The following HDAC9 variants were observed in gnomAD, a reference collection of about 807,000 sequenced individuals.
The protein encoded by HDAC9 is histone deacetylase 9.
In HDAC9, 41 loss-of-function variants were observed where a neutral mutation model predicts 139.4. The observed-to-expected ratio is 0.29, with a 90% CI of 0.23 to 0.38. The LOEUF (loss-of-function observed/expected upper bound fraction) is 0.38. Ranked by LOEUF, HDAC9 falls within the 10% of genes least tolerant of loss-of-function variation. The pLI is 1.00. For missense variants in HDAC9, 1,147 were observed against 1,297.0 expected (o/e 0.88, Z 1.78); for synonymous variants, 517 against 476.2 (o/e 1.09, Z -1.12).
rs187844154 is a variant in HDAC9, at chr7:18,802,876, T to G, written c.2322+9424T>G. On this transcript the variant is annotated intron_variant, in intron 17 of 25. Transcript: ENST00000686413. ...ATTCCTTTACTTTCAGACTTTCTCTTTATTACATACTAGGTCTATCTCCTA... is the reference window on the plus strand; with the variant it reads ...ATTCCTTTACTTTCAGACTTTCTCTGTATTACATACTAGGTCTATCTCCTA... 2.6e-5 allele frequency among the ~76,000 whole-genome samples: 4 copies of G among 151,984 alleles called. No homozygotes were observed. In the East Asian group the frequency reaches 5.8e-4, roughly 22 times the overall value.
intron 23 of HDAC9, among the ~76,000 whole-genome samples, chr7:18,953,263 T>A (rs1200748602): frequency 6.6e-6 from 1 of 152,120 alleles, no homozygotes; most frequent in Non-Finnish European, 1.5e-5. Context: ...ATCCTTTTGT[T>A]ACTATTACTT....
intron 1 of HDAC9, among the ~76,000 whole-genome samples, chr7:18,118,214 C>A (rs560308574): frequency 6.6e-6 from 1 of 152,310 alleles, no homozygotes; most frequent in African/African-American, 2.4e-5. Flanking sequence ...AATCACATTT[C>A]TCTATGACAT....
At position 18,727,597 on chromosome 7, in the gene HDAC9, G is replaced by A; in HGVS notation, c.1749G>A (p.Thr583=). The A allele has an allele frequency of 6.3e-7, 1 of 1,595,724 alleles. No homozygotes were observed. Among genetic ancestry groups the A allele is most frequent in the Non-Finnish European group, 8.5e-7 (1 of 1,172,456 alleles). Residue 583 remains threonine (T), a synonymous_variant, in exon 13 of 26, where the codon ACG becomes ACA. Coordinates refer to ENST00000686413, the MANE Select transcript of HDAC9 (RefSeq NM_178425.4). The stretch of plus-strand genomic sequence containing the variant: ...GGCAACAGCCTTTCCTGGAACCCAC[G>A]CACACACGTGCGCTCTCTGTGCGCC... ...AFMQQPFLEP[T]HTRALSVRQA... is the part of the protein sequence containing the mutation.
chr7:18,883,983 T>A (rs1799933699), intron 22 of HDAC9, among the ~76,000 whole-genome samples: 1 of 152,090 alleles, frequency 6.6e-6, no homozygotes, highest in Non-Finnish European at 1.5e-5. Context: ...AGGAATACAT[T>A]TAACCAAGGA....
chr7:18,335,305 T>A (rs1191477314), intron 1 of HDAC9, among the ~76,000 whole-genome samples: 1 of 151,484 alleles, frequency 6.6e-6, no homozygotes, highest in Non-Finnish European at 1.5e-5. Flanking sequence ...TGCAGAGAGA[T>A]AAAAATACTG....
intron 2 of HDAC9, among the ~76,000 whole-genome samples, chr7:18,540,273 CAAAAAAAAAA>C (rs967501382): frequency 3.5e-4 from 15 of 43,194 alleles, no homozygotes; most frequent in Admixed American, 2.2e-4. Context: ...AACTCCATCT[CAAAAAAAAAA>C]AAAAAAAAAA....
chr7:18,346,017 T>A (rs1485468267), intron 1 of HDAC9, among the ~76,000 whole-genome samples: 1 of 152,030 alleles, frequency 6.6e-6, no homozygotes, highest in Admixed American at 6.6e-5. Flanking sequence ...TTTTTCTCAA[T>A]TTTTTCTAGA....
intron 21 of HDAC9, among the ~76,000 whole-genome samples, chr7:18,863,631 C>T (rs562797463): frequency 6.6e-6 from 1 of 151,958 alleles, no homozygotes; most frequent in East Asian, 1.9e-4. Context: ...CCCTAGAGAA[C>T]TTGAATTTAG....
At chr7:18,776,269 G>A (rs77990083) in intron 16 of HDAC9, among the ~76,000 whole-genome samples, 2,003 of 152,054 alleles carry the variant, frequency 0.013, 14 homozygotes, top group African/African-American at 0.019. Flanking sequence ...GCTAGGAAGC[G>A]CAGTATCCAG....
chr7:18,784,312 A>T (rs1791506085), intron 16 of HDAC9, among the ~76,000 whole-genome samples: 1 of 151,924 alleles, frequency 6.6e-6, no homozygotes, highest in African/African-American at 2.4e-5. Context: ...TTCTAGACTC[A>T]AGTGATCCTC....
intron 14 of HDAC9, 54 bp downstream of exon 14, chr7:18,749,192 G>A (rs559757125): frequency 2.4e-5 from 38 of 1,568,886 alleles, no homozygotes; most frequent in South Asian, 2.4e-4. Flanking sequence ...CATGTAAAGA[G>A]GCCAGTATTC....
chr7:18,224,243 C>T (rs1407899647), intron 2 of HDAC9, among the ~76,000 whole-genome samples: 2 of 152,258 alleles, frequency 1.3e-5, no homozygotes, highest in Admixed American at 1.3e-4. Flanking sequence ...TCTTTTTAGA[C>T]ATTCAGTGTT....
At chr7:18,770,673 T>G (rs1196607152) in intron 16 of HDAC9, among the ~76,000 whole-genome samples, 1 of 152,182 alleles carries the variant, frequency 6.6e-6, no homozygotes, top group East Asian at 1.9e-4. Flanking sequence ...ATAATTCCCC[T>G]GATACACTTA....
intron 1 of HDAC9, among the ~76,000 whole-genome samples, chr7:18,358,053 G>A (rs1272864547): frequency 8.5e-5 from 13 of 152,172 alleles, no homozygotes; most frequent in Admixed American, 8.5e-4. Flanking sequence ...GCTGGGTGTG[G>A]TGGTGGGCAC....
chr7:18,903,314 C>T lies in HDAC9; in HGVS notation c.2803+28718C>T, dbSNP rs188268935. Reference sequence around the variant, plus strand: ...ATTTGTAAAACATAGATGACAACTGCATTTTATTCATAGTTTACGTAAAAT... The same window carrying T: ...ATTTGTAAAACATAGATGACAACTGTATTTTATTCATAGTTTACGTAAAAT... On this transcript the variant is annotated intron_variant, in intron 22 of 25. Transcript: ENST00000686413. Among the ~76,000 whole-genome samples, 106 of 152,326 alleles carry T rather than the reference C, an allele frequency of 7.0e-4. 1 individual carries two copies. The highest frequency in any genetic ancestry group is 3.4e-3 in the Middle Eastern group (1 of 294).
At chr7:18,451,360 T>C (rs1418454548) in intron 1 of HDAC9, among the ~76,000 whole-genome samples, 1 of 133,180 alleles carries the variant, frequency 7.5e-6, no homozygotes, top group Non-Finnish European at 1.6e-5. Context: ...AAGACACATG[T>C]ATATGTGCGT....
At chr7:18,131,738 G>A (rs1785024509) in intron 1 of HDAC9, among the ~76,000 whole-genome samples, 1 of 152,116 alleles carries the variant, frequency 6.6e-6, no homozygotes, top group Admixed American at 6.6e-5. Context: ...GTGAGGCGGT[G>A]AGAGCCTCAG....
In HDAC9 at chr7:18,273,056, GTTTTTTTTTTTTTT is replaced by G. The variant is rs746089054; in HGVS notation, c.25+110721_25+110734del. Among the ~76,000 whole-genome samples, 325 of 84,786 alleles carry G rather than the reference GTTTTTTTTTTTTTT, an allele frequency of 3.8e-3. 5 individuals are homozygous for G. The highest frequency in any genetic ancestry group is 0.018 in the African/African-American group (293 of 16,696). 55.6% of individuals were successfully genotyped at this position (84,786 alleles called of 152,430 possible). A position where few individuals can be genotyped will look rare whatever the true frequency, so the allele number is the denominator to read the frequency against. ...CCTCTTCCCCTTCTTCCCCTTCTTC[GTTTTTTTTTTTTTT>G]TTTTTTTTTTTTTGAACAAGACAGG... On this transcript the variant is annotated intron_variant, in intron 2 of 12. Coordinates refer to the HDAC9 transcript ENST00000417496.
At chr7:18,247,468 G>C (rs1189961417) in intron 2 of HDAC9, among the ~76,000 whole-genome samples, 3 of 152,074 alleles carry the variant, frequency 2.0e-5, no homozygotes, top group Non-Finnish European at 4.4e-5. Flanking sequence ...TGAAGTGATG[G>C]ACAGTTGGCT....
Sources: allele counts gnomAD v4.1 joint callset (sites outside exome capture counted in the v4.1 genomes callset), GRCh38; gene constraint gnomAD v4.1.1; transcripts MANE v1.5; gene names NCBI Gene and HGNC (gene_info 2026-07-23, HGNC 2026-07-21).